PLCB1: variants seen among roughly 807,000 people sequenced by gnomAD.
The protein encoded by PLCB1 is 1-phosphatidylinositol 4,5-bisphosphate phosphodiesterase beta-1.
Under a neutral mutation model 161.8 loss-of-function variants are expected in PLCB1, and 46 were observed. The ratio of observed to expected loss-of-function variants is 0.28; its 90% CI spans 0.22 to 0.36. The LOEUF (loss-of-function observed/expected upper bound fraction) is 0.36. PLCB1 is among the 10% of genes least tolerant of loss of function. PLCB1 has a pLI of 1.00. For missense variants in PLCB1, 1,016 were observed against 1,472.5 expected (o/e 0.69, Z 5.07); for synonymous variants, 517 against 503.7 (o/e 1.03, Z -0.35).
chr20:8,749,992 C>T (rs1981372163), intron 23 of PLCB1, among the ~76,000 whole-genome samples: 2 of 152,014 alleles, frequency 1.3e-5, no homozygotes, highest in East Asian at 1.9e-4. Context: ...GTGTCAGTCA[C>T]TCTGATGGCC....
intron 31 of PLCB1, among the ~76,000 whole-genome samples, chr20:8,876,289 C>T (rs890806637): frequency 6.6e-6 from 1 of 152,126 alleles, no homozygotes; most frequent in Admixed American, 6.6e-5. Context: ...TTTCGTCTTT[C>T]TTGTTCATTT....
intron 3 of PLCB1, among the ~76,000 whole-genome samples, chr20:8,582,640 G>A (rs1352223150): frequency 2.6e-5 from 4 of 152,170 alleles, no homozygotes; most frequent in African/African-American, 7.2e-5. Flanking sequence ...ATTGATGGAT[G>A]AGTGGATAAA....
chr20:8,848,812 G>T (rs972658917), intron 31 of PLCB1, among the ~76,000 whole-genome samples: 10 of 152,222 alleles, frequency 6.6e-5, no homozygotes, highest in Admixed American at 2.0e-4. Flanking sequence ...GATGTCAGTT[G>T]TCCACAGGGT....
chr20:8,823,685 G>A (rs1985548715), intron 31 of PLCB1, among the ~76,000 whole-genome samples: 1 of 152,126 alleles, frequency 6.6e-6, no homozygotes, highest in Non-Finnish European at 1.5e-5. Context: ...ATATTCCCTA[G>A]TGGCATCTTT....
intron 3 of PLCB1, among the ~76,000 whole-genome samples, chr20:8,501,447 A>G (rs1983399406): frequency 6.6e-6 from 1 of 152,188 alleles, no homozygotes; most frequent in Non-Finnish European, 1.5e-5. Flanking sequence ...CAGTGCCCCA[A>G]GGCAGCGGGT....
At chr20:8,259,837 A>T (rs1981604624) in intron 2 of PLCB1, among the ~76,000 whole-genome samples, 1 of 152,172 alleles carries the variant, frequency 6.6e-6, no homozygotes, top group Non-Finnish European at 1.5e-5. Flanking sequence ...ATACTTGGGT[A>T]TCTCACAGAG....
intron 1 of PLCB1, among the ~76,000 whole-genome samples, chr20:8,135,705 C>G (rs1041222573): frequency 9.9e-5 from 15 of 152,162 alleles, no homozygotes; most frequent in Non-Finnish European, 1.9e-4. Context: ...AACATCAAGG[C>G]TATACCTGTC....
At chr20:8,179,648 C>T (rs908557752) in intron 2 of PLCB1, among the ~76,000 whole-genome samples, 4 of 151,924 alleles carry the variant, frequency 2.6e-5, no homozygotes, top group East Asian at 1.9e-4. Context: ...TTCTCTTGCC[C>T]GATTGCTCTG....
intron 18 of PLCB1, among the ~76,000 whole-genome samples, chr20:8,730,961 G>A (rs749409625): frequency 5.9e-5 from 9 of 151,534 alleles, no homozygotes; most frequent in Non-Finnish European, 1.0e-4. Context: ...AGTACATTCC[G>A]TTGGAATTTT....
intron 3 of PLCB1, among the ~76,000 whole-genome samples, chr20:8,608,383 C>T (rs1280093386): frequency 6.6e-6 from 1 of 152,086 alleles, no homozygotes; most frequent in Non-Finnish European, 1.5e-5. Context: ...CAAAATTACT[C>T]TCTTTACTCA....
intron 22 of PLCB1, among the ~76,000 whole-genome samples, chr20:8,740,913 G>GTAA (rs1328855663): frequency 7.2e-5 from 11 of 152,308 alleles, no homozygotes; most frequent in Admixed American, 6.5e-4. Context: ...GGAGACCATG[G>GTAA]TAAGCTTGGG....
intron 2 of PLCB1, among the ~76,000 whole-genome samples, chr20:8,290,036 C>T (rs1196233546): frequency 4.6e-5 from 7 of 152,154 alleles, no homozygotes; most frequent in Admixed American, 3.9e-4. Context: ...TCTTGGCTTC[C>T]TTGGGTCTAA....
chr20:8,236,387 G>T (rs1980325208), intron 2 of PLCB1, among the ~76,000 whole-genome samples: 1 of 151,948 alleles, frequency 6.6e-6, no homozygotes, highest in South Asian at 2.1e-4. Context: ...CAAAAAATTA[G>T]CTATGGGTAG....
At chr20:8,323,595 C>A (rs962728895) in intron 2 of PLCB1, among the ~76,000 whole-genome samples, 9 of 152,076 alleles carry the variant, frequency 5.9e-5, no homozygotes, top group Non-Finnish European at 1.3e-4. Context: ...GTTCAAGGCT[C>A]CAAAGATTCA....
chr20:8,526,149 A>T (rs1358594945), intron 3 of PLCB1, among the ~76,000 whole-genome samples: 2 of 152,136 alleles, frequency 1.3e-5, no homozygotes, highest in African/African-American at 4.8e-5. Flanking sequence ...CTAATGATTT[A>T]TGCACATACA....
intron 31 of PLCB1, chr20:8,801,992 C>G: frequency 1.0e-6 from 1 of 956,800 alleles, no homozygotes; most frequent in Non-Finnish European, 1.7e-6. Context: ...ATTGGAAACA[C>G]CAGATGACTT....
At chr20:8,427,320 C>G (rs1600393350) in intron 3 of PLCB1, among the ~76,000 whole-genome samples, 2 of 152,120 alleles carry the variant, frequency 1.3e-5, no homozygotes, top group South Asian at 2.1e-4. Flanking sequence ...CTCTCCCAAG[C>G]AGAAAATCTA....
chr20:8,257,381 G>C (rs1461836230), intron 2 of PLCB1, among the ~76,000 whole-genome samples: 3 of 151,990 alleles, frequency 2.0e-5, no homozygotes, highest in Non-Finnish European at 1.5e-5. Flanking sequence ...CTACTCATAT[G>C]GTAATAATTT....
intron 26 of PLCB1, among the ~76,000 whole-genome samples, chr20:8,773,448 A>C (rs1013611794): frequency 2.0e-5 from 3 of 152,222 alleles, no homozygotes; most frequent in Non-Finnish European, 4.4e-5. Context: ...TAATTACTTT[A>C]ATTTATTTTG....
Sources: gnomAD v4.1 joint callset for allele counts (sites outside exome capture counted in the v4.1 genomes callset) on GRCh38, gnomAD v4.1.1 for gene constraint, MANE v1.5 for transcripts, NCBI Gene and HGNC (gene_info 2026-07-23, HGNC 2026-07-21) for gene names.